Variants in SLC25A21 observed in about 807,000 individuals in gnomAD.
The protein encoded by SLC25A21 is solute carrier family 25 member 21.
Under a neutral mutation model 43.8 loss-of-function variants are expected in SLC25A21, and 47 were observed. The observed-to-expected ratio is 1.07, with a 90% CI of 0.85 to 1.37. The LOEUF (loss-of-function observed/expected upper bound fraction) is 1.37. Among genes scored for constraint, SLC25A21 ranks in the 40% most tolerant of loss-of-function variants. The probability of loss-of-function intolerance (pLI) is 0.00; values close to 1 mark genes in which losing one functional copy is unlikely to be tolerated. For missense variants in SLC25A21, 352 were observed against 350.2 expected, an observed-to-expected ratio of 1.00 and a Z score of -0.04; for synonymous variants, 131 against 121.3, an observed-to-expected ratio of 1.08 and a Z score of -0.52.
At chr14:36,869,028 C>A (rs1890292903) in intron 2 of SLC25A21, among the ~76,000 whole-genome samples, 1 of 152,186 alleles carries the variant, frequency 6.6e-6, no homozygotes, top group Non-Finnish European at 1.5e-5. Context: ...CCCTTTGTCC[C>A]TTCAGCCTGG....
rs556044327 is a variant in SLC25A21 at position 37,014,812 on chromosome 14, T to A, written c.71-139808A>T. On this transcript the variant is annotated intron_variant, in intron 1 of 9. Coordinates refer to ENST00000331299, the MANE Select transcript of SLC25A21 (RefSeq NM_030631.4). ...ATGGGCTGCAGAATAAATGTTGTGT[T>A]GGCAGGCATGAAAACAACATGAATC... Among the ~76,000 whole-genome samples, 4 of 152,264 alleles carry A rather than the reference T, an allele frequency of 2.6e-5. No homozygotes were observed. The South Asian group carries it at 8.3e-4, about 32-fold the overall frequency.
chr14:36,795,710 T>A, intron 3 of SLC25A21, among the ~76,000 whole-genome samples: 1 of 152,136 alleles, frequency 6.6e-6, no homozygotes, highest in East Asian at 1.9e-4. Context: ...ATGCCTTAAA[T>A]AAGTCATCCT....
chr14:37,043,945 T>TTTTTTG (rs1566838430), intron 1 of SLC25A21, among the ~76,000 whole-genome samples: 2 of 149,046 alleles, frequency 1.3e-5, no homozygotes, highest in African/African-American at 4.9e-5. Flanking sequence ...TTTTTGTTTT[T>TTTTTTG]TTTTTTTTTT....
intron 3 of SLC25A21, among the ~76,000 whole-genome samples, chr14:36,776,142 A>G (rs1044141833): frequency 1.3e-5 from 2 of 148,740 alleles, no homozygotes; most frequent in African/African-American, 5.0e-5. Context: ...CTCTTGGTAC[A>G]TTGTTTTTTT....
rs114456929 is a variant in SLC25A21 at position 37,105,718 on chromosome 14, A to G, written c.70+66563T>C. Among the ~76,000 whole-genome samples, 671 of 152,270 alleles carry G rather than the reference A, an allele frequency of 4.4e-3. 2 individuals are homozygous for G. Among genetic ancestry groups the G allele is most frequent in the African/African-American group, 0.014 (567 of 41,548 alleles). On this transcript the variant is annotated intron_variant, in intron 1 of 9. Transcript: ENST00000331299. The stretch of plus-strand genomic sequence containing the variant: ...GAGATCACTTATCATAAAGAAAGAC[A>G]TAAAGGTCTATTATTAGCAGAATAG...
chr14:37,135,128 T>C (rs991979159), intron 1 of SLC25A21, among the ~76,000 whole-genome samples: 1 of 152,026 alleles, frequency 6.6e-6, no homozygotes, highest in African/African-American at 2.4e-5. Flanking sequence ...GGGTTTTACG[T>C]TGTTGACCAG....
At chr14:37,151,508 C>A (rs1449974621) in intron 1 of SLC25A21, among the ~76,000 whole-genome samples, 2 of 152,146 alleles carry the variant, frequency 1.3e-5, no homozygotes, top group Non-Finnish European at 2.9e-5. Flanking sequence ...CCTGTTTGTT[C>A]ATTAACACTC....
chr14:36,794,143 T>C (rs1000939248), intron 3 of SLC25A21, among the ~76,000 whole-genome samples: 13 of 152,206 alleles, frequency 8.5e-5, no homozygotes, highest in African/African-American at 2.9e-4. Flanking sequence ...CAGGCTAGTG[T>C]AGGTAAAGTA....
chr14:37,001,187 C>G (rs142751649), intron 1 of SLC25A21, among the ~76,000 whole-genome samples: 8 of 152,256 alleles, frequency 5.3e-5, no homozygotes, highest in Non-Finnish European at 1.2e-4. Context: ...TACTAAGTAG[C>G]TTAACTATTG....
chr14:36,943,071 G>A (rs943125108), intron 1 of SLC25A21, among the ~76,000 whole-genome samples: 9 of 152,192 alleles, frequency 5.9e-5, no homozygotes, highest in Non-Finnish European at 7.3e-5. Flanking sequence ...ACATGCCAGA[G>A]AGAGTCACAC....
intron 1 of SLC25A21, among the ~76,000 whole-genome samples, chr14:36,992,514 G>C (rs1334302863): frequency 6.6e-6 from 1 of 152,186 alleles, no homozygotes; most frequent in Admixed American, 6.5e-5. Flanking sequence ...CAAGCCCTGA[G>C]TCAGCAACTG....
chr14:36,746,770 T>G (rs1386151868), intron 3 of SLC25A21, among the ~76,000 whole-genome samples: 2 of 152,128 alleles, frequency 1.3e-5, no homozygotes, highest in Admixed American at 6.6e-5. Flanking sequence ...TTTAACTCAC[T>G]CTTTCATTAA....
At chr14:36,862,002 T>C (rs899606226) in intron 2 of SLC25A21, among the ~76,000 whole-genome samples, 3 of 151,932 alleles carry the variant, frequency 2.0e-5, no homozygotes, top group African/African-American at 7.3e-5. Context: ...AACAAACATA[T>C]GAAAAAAAGC....
intron 1 of SLC25A21, among the ~76,000 whole-genome samples, chr14:37,052,139 A>G (rs1262314131): frequency 2.6e-5 from 4 of 152,242 alleles, no homozygotes; most frequent in African/African-American, 9.6e-5. Context: ...TGCATAATAA[A>G]TTTCCCTTAA....
chr14:36,802,480 A>G (rs767304761), intron 3 of SLC25A21, among the ~76,000 whole-genome samples: 11 of 152,336 alleles, frequency 7.2e-5, no homozygotes, highest in Admixed American at 3.9e-4. Flanking sequence ...AGTGCTAGCA[A>G]CACAATAAAA....
intron 3 of SLC25A21, among the ~76,000 whole-genome samples, chr14:36,770,471 G>A (rs766628782): frequency 3.3e-5 from 5 of 152,130 alleles, no homozygotes; most frequent in East Asian, 1.9e-4. Flanking sequence ...TCAGTATCAC[G>A]CAATACATGT....
intron 3 of SLC25A21, among the ~76,000 whole-genome samples, chr14:36,771,715 A>T (rs1048181041): frequency 1.3e-5 from 2 of 151,740 alleles, no homozygotes; most frequent in Admixed American, 1.3e-4. Context: ...GGACTTTTAT[A>T]TAAAGTTGCC....
intron 2 of SLC25A21, among the ~76,000 whole-genome samples, chr14:36,841,839 G>A (rs1566665541): frequency 6.6e-6 from 1 of 152,200 alleles, no homozygotes; most frequent in Non-Finnish European, 1.5e-5. Flanking sequence ...AGGCAAGTGA[G>A]GCCAAGGCAC....
intron 7 of SLC25A21, among the ~76,000 whole-genome samples, chr14:36,695,171 C>T (rs972494882): frequency 6.6e-6 from 1 of 152,154 alleles, no homozygotes; most frequent in South Asian, 2.1e-4. Context: ...ATAGGGAATC[C>T]TTTCCCCATT....
Sources: allele counts gnomAD v4.1 joint callset (sites outside exome capture counted in the v4.1 genomes callset), GRCh38; gene constraint gnomAD v4.1.1; transcripts MANE v1.5; gene names NCBI Gene and HGNC (gene_info 2026-07-23, HGNC 2026-07-21).